The following FN3KRP variants were observed in gnomAD, a reference collection of about 807,000 sequenced individuals.
FN3KRP encodes the protein fructosamine 3 kinase related protein.
A neutral mutation model predicts 29.8 loss-of-function variants in FN3KRP; 33 were observed. The observed-to-expected ratio is 1.11, with a 90% CI of 0.84 to 1.48. FN3KRP has a LOEUF of 1.48. FN3KRP is among the 40% of genes most tolerant of loss of function. FN3KRP has a pLI of 0.00. For synonymous variants in FN3KRP, 157 were observed against 155.2 expected, an observed-to-expected ratio of 1.01 and a Z score of -0.09; for missense variants, 430 against 402.6, an observed-to-expected ratio of 1.07 and a Z score of -0.58.
chr17:82,718,346 T>C (rs1397140767), intron 1 of FN3KRP: 1 of 926,972 alleles, frequency 1.1e-6, no homozygotes, highest in Non-Finnish European at 1.3e-6. Flanking sequence ...AGGGAGGAGT[T>C]GCTGTGGTCC....
chr17:82,719,395 G>A (rs1370180014), intron 2 of FN3KRP, among the ~76,000 whole-genome samples: 1 of 152,256 alleles, frequency 6.6e-6, no homozygotes, highest in Admixed American at 6.5e-5. Context: ...CAGAATGAAC[G>A]GCAGGCACTC....
chr17:82,721,692 C>A (rs926821917), intron 3 of FN3KRP, among the ~76,000 whole-genome samples: 2 of 151,630 alleles, frequency 1.3e-5, no homozygotes. Flanking sequence ...TTAGTAGAGA[C>A]AGGGTTTCAC....
chr17:82,717,436 C>T (rs192923367), intron 1 of FN3KRP, among the ~76,000 whole-genome samples: 157 of 152,260 alleles, frequency 1.0e-3, no homozygotes, highest in African/African-American at 3.6e-3. Flanking sequence ...GACTCATTCT[C>T]GGGCCGGGCG....
chr17:82,725,452 T>G (rs2046830186), intron 4 of FN3KRP, among the ~76,000 whole-genome samples: 1 of 151,922 alleles, frequency 6.6e-6, no homozygotes, highest in Non-Finnish European at 1.5e-5. Context: ...TTTTTTAATT[T>G]ATTTAATTTA....
Position 82,719,102 on chromosome 17 carries a change from GGTGTGTCTTCACACCTTGTTTTATTAT to G in FN3KRP, c.293+61_293+87del, listed in dbSNP as rs759553795. 2.0e-4 allele frequency: 313 copies of G among 1,538,002 alleles called. 1 individual carries two copies. Among genetic ancestry groups the G allele is most frequent in the Middle Eastern group, 4.3e-4 (2 of 4,614 alleles). On this transcript the variant is annotated intron_variant, in intron 2 of 5. Coordinates refer to ENST00000269373, the MANE Select transcript of FN3KRP (RefSeq NM_024619.4). ...CCCACCTGGCTTTATTACCTGAGCA[GGTGTGTCTTCACACCTTGTTTTATTAT>G]GTGTGTCTTCACACCACCCACTGGC... is the stretch of plus-strand genomic sequence containing the variant.
In FN3KRP at chr17:82,727,170, G is replaced by C; in HGVS notation, c.929G>C (p.Ter310SerextTer35). ...SLNIMRNLVK* is the reference protein window; with the variant it reads ...SLNIMRNLVKS ...AACATCATGAGGAATCTGGTCAAGT[G>C]AGCGGGCCTTACTCTGGAAGGAGGC... is the stretch of plus-strand genomic sequence containing the variant. The change falls in exon 6 of 6, where the codon TGA becomes TCA. Residue 310 changes from the stop codon to serine (S), a stop_lost. Transcript: ENST00000269373. 1 of 1,612,108 alleles carries C rather than the reference G, an allele frequency of 6.2e-7. No individual in the cohort carries two copies. Among genetic ancestry groups the C allele is most frequent in the Non-Finnish European group, 8.5e-7 (1 of 1,178,460 alleles).
intron 4 of FN3KRP, among the ~76,000 whole-genome samples, chr17:82,724,013 A>G (rs1457087323): frequency 6.6e-6 from 1 of 152,112 alleles, no homozygotes; most frequent in East Asian, 1.9e-4. Flanking sequence ...TTTAAATAAA[A>G]AAGCCCTGGT....
At chr17:82,725,851 T>G (rs192005095) in intron 4 of FN3KRP, among the ~76,000 whole-genome samples, 1 of 152,176 alleles carries the variant, frequency 6.6e-6, no homozygotes, top group African/African-American at 2.4e-5. Flanking sequence ...TGATGAACTA[T>G]TGTCAGCTGC....
At chr17:82,718,528 T>C (rs932082542) in intron 1 of FN3KRP, 1 of 1,011,536 alleles carries the variant, frequency 9.9e-7, no homozygotes, top group African/African-American at 1.7e-5. Flanking sequence ...GTCCTGTAGG[T>C]GGAACAGGAC....
At position 82,716,864 on chromosome 17, in the gene FN3KRP, C is replaced by G. The variant is rs775533991; in HGVS notation, c.109C>G (p.Arg37Gly). Residue 37 changes from arginine (R) to glycine (G), a missense_variant, in exon 1 of 6, where the codon CGA (arginine) becomes GGA (glycine). Coordinates refer to ENST00000269373, the MANE Select transcript of FN3KRP (RefSeq NM_024619.4). The part of the protein sequence containing the change: ...QGRSYDTDQG[R>G]VFVKVNPKAE... ...CCGGAGCTACGACACGGATCAAGGACGAGTGTTCGTGAAAGTGAACCCCAA... is the reference window on the plus strand; with the variant it reads ...CCGGAGCTACGACACGGATCAAGGAGGAGTGTTCGTGAAAGTGAACCCCAA... 7.0e-6 allele frequency: 11 copies of G among 1,566,502 alleles called. No homozygotes were observed. In the Admixed American group the frequency reaches 2.1e-4, roughly 30 times the overall value.
At chr17:82,722,947 G>GTGTCCCCCCAACCCGT in intron 4 of FN3KRP, 61 bp downstream of exon 4, 2 of 1,431,082 alleles carry the variant, frequency 1.4e-6, no homozygotes, top group Non-Finnish European at 1.9e-6. Context: ...CACACGGGTT[G>GTGTCCCCCCAACCCGT]GGGGGACACA....
At chr17:82,723,620 T>C (rs2046816073) in intron 4 of FN3KRP, among the ~76,000 whole-genome samples, 1 of 151,484 alleles carries the variant, frequency 6.6e-6, no homozygotes, top group African/African-American at 2.4e-5. Flanking sequence ...CATGTGTGCA[T>C]ATGTGTATGT....
intron 1 of FN3KRP, 190 bp from the exon 2 acceptor site, chr17:82,718,716 G>A: frequency 8.2e-7 from 1 of 1,224,998 alleles, no homozygotes; most frequent in African/African-American, 1.5e-5. Flanking sequence ...TCTTCTTCCA[G>A]TACAGCCTCT....
At chr17:82,717,803 A>C (rs1211678755) in intron 1 of FN3KRP, among the ~76,000 whole-genome samples, 6 of 152,162 alleles carry the variant, frequency 3.9e-5, no homozygotes, top group African/African-American at 1.4e-4. Context: ...GACTCTGAAG[A>C]ACTGAAAGAA....
Position 82,726,944 on chromosome 17 carries a change from C to G in FN3KRP, c.703C>G (p.Pro235Ala). The change falls in exon 6 of 6, where the codon CCA becomes GCA. Residue 235 changes from proline (P) to alanine (A), a missense_variant. By Grantham distance (27) the Pro-to-Ala change is conservative (BLOSUM62 -1). Transcript: ENST00000269373. ...TTCCTCTGGGCCGGTGATTTTTGAC[C>G]CAGCTTCTTTCTACGGCCACTCGGA... is the stretch of plus-strand genomic sequence containing the variant. ...EDSSGPVIFDPASFYGHSEYE... is the reference protein window; with the variant it reads ...EDSSGPVIFDAASFYGHSEYE... The G allele has an allele frequency of 6.2e-7, 1 of 1,613,006 alleles. No individual in the cohort carries two copies. Among genetic ancestry groups the G allele is most frequent in the South Asian group, 1.1e-5 (1 of 91,052 alleles).
In FN3KRP at chr17:82,716,825, T is replaced by A. The variant is rs755745895; in HGVS notation, c.70T>A (p.Cys24Ser). Reference protein sequence around the residue: ...VRATGHSGGGCISQGRSYDTD... With the variant: ...VRATGHSGGGSISQGRSYDTD... ...GGCCACGGGCCACTCGGGGGGCGGGTGCATCAGCCAGGGCCGGAGCTACGA... is the reference window on the plus strand; with the variant it reads ...GGCCACGGGCCACTCGGGGGGCGGGAGCATCAGCCAGGGCCGGAGCTACGA... Residue 24 changes from cysteine to serine, a missense_variant, in exon 1 of 6, where the codon TGC (cysteine) becomes AGC (serine). Transcript: ENST00000269373. 23 of 1,554,706 alleles carry A rather than the reference T, an allele frequency of 1.5e-5. No individual in the cohort carries two copies. The Admixed American group carries it at 3.7e-4, about 25-fold the overall frequency.
intron 4 of FN3KRP, 122 bp from the exon 5 acceptor site, chr17:82,726,358 C>T (rs2046836854): frequency 7.9e-7 from 1 of 1,263,156 alleles, no homozygotes; most frequent in Non-Finnish European, 1.1e-6. Flanking sequence ...GCTCCTGTGA[C>T]TGCCACCCCT....
intron 2 of FN3KRP, among the ~76,000 whole-genome samples, 195 bp downstream of exon 2, chr17:82,719,252 G>A (rs2046781937): frequency 6.6e-6 from 1 of 152,238 alleles, no homozygotes. Flanking sequence ...CTGAGCAGGT[G>A]CACCCTCACA....
In FN3KRP at chr17:82,718,888, C is replaced by G. The variant is rs369261861; in HGVS notation, c.142-18C>G. On this transcript the variant is annotated intron_variant, in intron 1 of 5. Transcript: ENST00000269373. ...TTGCCTCCCTGTATTTCCACTTCCT[C>G]TCGTATTTTTCTGACAGGCCAGAAG... is the stretch of plus-strand genomic sequence containing the variant. 4.7e-5 allele frequency: 76 copies of G among 1,609,624 alleles called. No homozygotes were observed. The highest frequency in any genetic ancestry group is 6.0e-5 in the Non-Finnish European group (71 of 1,176,386).
Sources: allele counts gnomAD v4.1 joint callset (sites outside exome capture counted in the v4.1 genomes callset), GRCh38; gene constraint gnomAD v4.1.1; transcripts MANE v1.5; gene names NCBI Gene and HGNC (gene_info 2026-07-23, HGNC 2026-07-21).